The following LSAMP variants were observed in gnomAD, a reference collection of about 807,000 sequenced individuals.
LSAMP encodes the protein limbic system-associated membrane protein.
Under a neutral mutation model 38.6 loss-of-function variants are expected in LSAMP, and 7 were observed. The ratio of observed to expected loss-of-function variants is 0.18; its 90% CI spans 0.10 to 0.34. The LOEUF (loss-of-function observed/expected upper bound fraction) is 0.34. LSAMP is among the 10% of genes least tolerant of loss of function. LSAMP has a pLI of 1.00. For synonymous variants in LSAMP, 154 were observed against 166.8 expected (o/e 0.92, Z 0.59); for missense variants, 313 against 420.0 (o/e 0.75, Z 2.23).
intron 3 of LSAMP, among the ~76,000 whole-genome samples, chr3:115,881,126 C>T (rs920473454): frequency 3.3e-5 from 5 of 152,052 alleles, no homozygotes; most frequent in Non-Finnish European, 5.9e-5. Flanking sequence ...GTCATCCTTA[C>T]ACCCAAGTTA....
At chr3:116,197,902 TATA>T (rs768931871) in intron 1 of LSAMP, among the ~76,000 whole-genome samples, 1 of 152,084 alleles carries the variant, frequency 6.6e-6, no homozygotes, top group Non-Finnish European at 1.5e-5. Context: ...GATATATAGA[TATA>T]AATATATATG....
intron 1 of LSAMP, among the ~76,000 whole-genome samples, chr3:116,443,237 C>T (rs1432532458): frequency 3.9e-5 from 6 of 152,112 alleles, no homozygotes; most frequent in Admixed American, 1.3e-4. Context: ...TTTTCTGCAC[C>T]ATGTCCAAAT....
rs193271324 is a variant in LSAMP at position 115,965,752 on chromosome 3, T to C, written c.514+53763A>G. Among the ~76,000 whole-genome samples the C allele has an allele frequency of 3.8e-3, 578 of 151,862 alleles. 3 individuals are homozygous for C. Among genetic ancestry groups the C allele is most frequent in the African/African-American group, 0.013 (545 of 41,480 alleles). On this transcript the variant is annotated intron_variant, in intron 3 of 6. Coordinates refer to ENST00000490035, the MANE Select transcript of LSAMP (RefSeq NM_002338.5). ...GCTTATTTAAAAATTAAAATAATAA[T>C]TATGAAAAGATGAAACTTTATTATT...
At chr3:116,195,218 T>C (rs140676684) in intron 1 of LSAMP, among the ~76,000 whole-genome samples, 147 of 152,348 alleles carry the variant, frequency 9.6e-4, no homozygotes, top group African/African-American at 3.4e-3. Context: ...TGCTAGTCAC[T>C]GGGTTACTCA....
At chr3:116,009,719 CG>C (rs940647199) in intron 3 of LSAMP, among the ~76,000 whole-genome samples, 4 of 152,042 alleles carry the variant, frequency 2.6e-5, no homozygotes, top group Non-Finnish European at 4.4e-5. Context: ...GCTCTTGTAA[CG>C]GGGGCTCCTT....
chr3:116,336,709 A>T (rs1290401275), intron 1 of LSAMP, among the ~76,000 whole-genome samples: 1 of 151,994 alleles, frequency 6.6e-6, no homozygotes, highest in East Asian at 1.9e-4. Context: ...AAAATGGTAT[A>T]GTTGCTATGG....
At chr3:116,380,195 G>A (rs927202762) in intron 1 of LSAMP, among the ~76,000 whole-genome samples, 10 of 151,900 alleles carry the variant, frequency 6.6e-5, no homozygotes, top group African/African-American at 2.2e-4. Flanking sequence ...TGCTATAGGC[G>A]GCAAAAATTA....
chr3:116,177,329 G>A (rs956034165), intron 1 of LSAMP, among the ~76,000 whole-genome samples: 1 of 152,036 alleles, frequency 6.6e-6, no homozygotes, highest in African/African-American at 2.4e-5. Context: ...AGTGACACAG[G>A]AAACTAGTCA....
At chr3:116,399,803 C>T (rs111849897) in intron 1 of LSAMP, among the ~76,000 whole-genome samples, 451 of 152,312 alleles carry the variant, frequency 3.0e-3, no homozygotes, top group Non-Finnish European at 5.1e-3. Flanking sequence ...TCAACTCTGA[C>T]ATCTCATTGC....
intron 1 of LSAMP, among the ~76,000 whole-genome samples, chr3:116,258,765 T>C (rs1273876789): frequency 6.6e-6 from 1 of 152,138 alleles, no homozygotes; most frequent in Non-Finnish European, 1.5e-5. Context: ...GAGTTGTTAT[T>C]TTCAGATAGG....
chr3:116,385,211 A>G (rs979468796), intron 1 of LSAMP, among the ~76,000 whole-genome samples: 1 of 152,150 alleles, frequency 6.6e-6, no homozygotes, highest in Non-Finnish European at 1.5e-5. Context: ...GGAGAATTGA[A>G]ATCAGCCACA....
intron 1 of LSAMP, among the ~76,000 whole-genome samples, chr3:116,291,470 C>T (rs1324751190): frequency 6.6e-6 from 1 of 152,164 alleles, no homozygotes; most frequent in Non-Finnish European, 1.5e-5. Flanking sequence ...AAAATAAGTG[C>T]TTTGGCCTAG....
At chr3:116,167,504 C>A (rs1710088902) in intron 1 of LSAMP, among the ~76,000 whole-genome samples, 1 of 151,920 alleles carries the variant, frequency 6.6e-6, no homozygotes, top group African/African-American at 2.4e-5. Context: ...GTGTAGCTGG[C>A]CTTTCTATCT....
intron 1 of LSAMP, among the ~76,000 whole-genome samples, chr3:116,366,320 A>G (rs2107784948): frequency 6.6e-6 from 1 of 152,298 alleles, no homozygotes; most frequent in South Asian, 2.1e-4. Context: ...GCCTACAGCC[A>G]ATATATGAAT....
intron 1 of LSAMP, among the ~76,000 whole-genome samples, chr3:116,123,374 C>A (rs1708930298): frequency 6.6e-6 from 1 of 151,628 alleles, no homozygotes; most frequent in Admixed American, 6.6e-5. Context: ...ATATTCTGAA[C>A]TTAACTTGTG....
chr3:115,860,214 G>C (rs986051205), intron 3 of LSAMP, among the ~76,000 whole-genome samples: 1 of 152,190 alleles, frequency 6.6e-6, no homozygotes. Context: ...TTTAATTCAC[G>C]ATAGTTTTAA....
chr3:116,294,610 T>C (rs1416045307), intron 1 of LSAMP, among the ~76,000 whole-genome samples: 1 of 152,238 alleles, frequency 6.6e-6, no homozygotes, highest in East Asian at 1.9e-4. Context: ...CAGTGTTTCC[T>C]ATTGTGCCTC....
At chr3:116,071,188 A>G (rs1410544400) in intron 2 of LSAMP, among the ~76,000 whole-genome samples, 3 of 149,248 alleles carry the variant, frequency 2.0e-5, no homozygotes, top group African/African-American at 7.4e-5. Flanking sequence ...AAGAAAAAAA[A>G]GAAGAGTATG....
chr3:116,157,023 C>T (rs1013675543), intron 1 of LSAMP, among the ~76,000 whole-genome samples: 9 of 152,028 alleles, frequency 5.9e-5, no homozygotes, highest in South Asian at 2.1e-4. Context: ...AGGTTATATG[C>T]GGAGCACTGG....
Sources: gnomAD v4.1 joint callset for allele counts (sites outside exome capture counted in the v4.1 genomes callset) on GRCh38, gnomAD v4.1.1 for gene constraint, MANE v1.5 for transcripts, NCBI Gene and HGNC (gene_info 2026-07-23, HGNC 2026-07-21) for gene names.